The following ASB4 variants were observed in gnomAD, a reference collection of about 807,000 sequenced individuals.
ASB4 encodes the protein ankyrin repeat and SOCS box protein 4.
ASB4 carries 35 observed loss-of-function variants against 38.6 expected under a neutral mutation model. The observed-to-expected ratio is 0.91, with a 90% CI of 0.69 to 1.20. The LOEUF is 1.20. Among genes scored for constraint, ASB4 ranks in the 50% most tolerant of loss-of-function variants. ASB4 has a pLI of 0.00. For synonymous variants in ASB4, 195 were observed against 201.3 expected (o/e 0.97, Z 0.26); for missense variants, 557 against 527.2 (o/e 1.06, Z -0.55).
chr7:95,521,001 T>C (rs890704788), intron 2 of ASB4, among the ~76,000 whole-genome samples: 11 of 152,152 alleles, frequency 7.2e-5, no homozygotes, highest in Non-Finnish European at 1.3e-4. Flanking sequence ...TGCTCTTTAC[T>C]CTGCAAATTT....
downstream of ASB4, chr7:95,542,949 A>C (rs370788403): frequency 6.6e-6 from 1 of 152,200 alleles, no homozygotes; most frequent in South Asian, 2.1e-4. Flanking sequence ...AAGCAGAGAA[A>C]AATGGACAAA....
chr7:95,540,712 G>T (rs1790959697), downstream of ASB4, among the ~76,000 whole-genome samples: 1 of 152,162 alleles, frequency 6.6e-6, no homozygotes, highest in Admixed American at 6.5e-5. Flanking sequence ...TTAGATATGA[G>T]GGAAAGATCA....
chr7:95,493,593 A>G (rs1403842216), intron 1 of ASB4, among the ~76,000 whole-genome samples: 1 of 152,164 alleles, frequency 6.6e-6, no homozygotes, highest in Non-Finnish European at 1.5e-5. Context: ...AAAAAGCAAT[A>G]CATGCACAGG....
chr7:95,473,719 G>C (rs1045870284), upstream of ASB4: 1 of 151,764 alleles, frequency 6.6e-6, no homozygotes, highest in Non-Finnish European at 1.5e-5. Context: ...TTGAAGAAGC[G>C]GTTCCTGTTT....
At chr7:95,498,883 A>G (rs1265439802) in intron 2 of ASB4, among the ~76,000 whole-genome samples, 1 of 152,204 alleles carries the variant, frequency 6.6e-6, no homozygotes, top group Non-Finnish European at 1.5e-5. Flanking sequence ...TTGTTTCAAC[A>G]CCATTTGTTG....
chr7:95,550,305 G>A, the ASB4 span, among the ~76,000 whole-genome samples: 1 of 152,054 alleles, frequency 6.6e-6, no homozygotes, highest in East Asian at 1.9e-4. Flanking sequence ...CTGCCCACAG[G>A]GTTGCACACA....
At chr7:95,496,187 T>C in intron 2 of ASB4, 130 bp downstream of exon 2, 1 of 742,628 alleles carries the variant, frequency 1.3e-6, no homozygotes, top group South Asian at 2.1e-5. Flanking sequence ...CAGAAGGCCC[T>C]AAAAAATACA....
the ASB4 span, among the ~76,000 whole-genome samples, chr7:95,545,571 C>T: frequency 6.6e-6 from 1 of 152,160 alleles, no homozygotes; most frequent in Non-Finnish European, 1.5e-5. Context: ...CTCCATTTCT[C>T]TCTTCCCTTA....
chr7:95,544,382 G>T (rs183589421), downstream of ASB4: 1 of 152,232 alleles, frequency 6.6e-6, no homozygotes, highest in African/African-American at 2.4e-5. Context: ...ACAACAAAAG[G>T]TCTCTTAGGA....
chr7:95,471,750 G>A, the ASB4 span: 1 of 152,030 alleles, frequency 6.6e-6, no homozygotes, highest in African/African-American at 2.4e-5. Context: ...CTGCAGCTGG[G>A]GCAAAGGTAG....
chr7:95,549,835 T>G, the ASB4 span, among the ~76,000 whole-genome samples: 1 of 152,172 alleles, frequency 6.6e-6, no homozygotes, highest in East Asian at 1.9e-4. Context: ...CAGGCCAAGC[T>G]GACTAATCCT....
At chr7:95,481,189 G>C (rs893234804), upstream of ASB4, among the ~76,000 whole-genome samples, 1 of 152,096 alleles carries the variant, frequency 6.6e-6, no homozygotes, top group Non-Finnish European at 1.5e-5. Context: ...TGTTGACATT[G>C]AGAACTTCTG....
upstream of ASB4, among the ~76,000 whole-genome samples, chr7:95,481,785 C>T (rs1251145630): frequency 6.6e-6 from 1 of 152,206 alleles, no homozygotes; most frequent in Non-Finnish European, 1.5e-5. Flanking sequence ...CCACTTGCCA[C>T]ATCATTGCCT....
In ASB4 at chr7:95,495,868, A is replaced by G. The variant is rs774506865; in HGVS notation, c.298A>G (p.Thr100Ala). 1 of 1,613,860 alleles carries G rather than the reference A, an allele frequency of 6.2e-7. No homozygotes were observed. The highest frequency in any genetic ancestry group is 8.5e-7 in the Non-Finnish European group (1 of 1,179,996). ...TCTGGTGCTACTGGACCACAATGCT[A>G]CAATCAACTGTAGACCCAATGGGAA... Reference protein sequence around the residue: ...CLLVLLDHNATINCRPNGKTP... With the variant: ...CLLVLLDHNAAINCRPNGKTP... The change falls in exon 2 of 5, where the codon ACA (threonine) becomes GCA (alanine). Residue 100 changes from threonine to alanine, a missense_variant. Thr to Ala is a moderately conservative substitution (Grantham distance 58). Transcript: ENST00000325885.
intron 2 of ASB4, among the ~76,000 whole-genome samples, chr7:95,524,269 C>T (rs532018118): frequency 4.6e-5 from 7 of 152,222 alleles, no homozygotes; most frequent in East Asian, 3.9e-4. Flanking sequence ...GTGGATTACT[C>T]GTGCTAAAAG....
intron 2 of ASB4, among the ~76,000 whole-genome samples, chr7:95,525,369 G>A (rs534173598): frequency 3.3e-5 from 5 of 152,242 alleles, no homozygotes; most frequent in African/African-American, 9.6e-5. Flanking sequence ...GTTCCCAGGA[G>A]TTGATGTTTC....
At chr7:95,543,466 C>T (rs1242107936), downstream of ASB4, 1 of 152,268 alleles carries the variant, frequency 6.6e-6, no homozygotes, top group Non-Finnish European at 1.5e-5. Flanking sequence ...AACACTGTGA[C>T]AAGTCCGTGA....
intron 2 of ASB4, among the ~76,000 whole-genome samples, chr7:95,505,696 C>T (rs112794740): frequency 1.4e-5 from 2 of 144,056 alleles, no homozygotes; most frequent in African/African-American, 5.0e-5. Flanking sequence ...TCCCCCCCCC[C>T]CCAAATACTT....
intron 2 of ASB4, among the ~76,000 whole-genome samples, chr7:95,511,202 G>A (rs1338668070): frequency 1.3e-5 from 2 of 152,070 alleles, no homozygotes; most frequent in Non-Finnish European, 2.9e-5. Context: ...ACAGAATAAC[G>A]GTGGACCCCT....
Sources: allele counts gnomAD v4.1 joint callset (sites outside exome capture counted in the v4.1 genomes callset), GRCh38; gene constraint gnomAD v4.1.1; transcripts MANE v1.5; gene names NCBI Gene and HGNC (gene_info 2026-07-23, HGNC 2026-07-21).